The following TMEM63B variants were observed in gnomAD, a reference collection of about 807,000 sequenced individuals.
TMEM63B encodes transmembrane protein 63B.
TMEM63B carries 23 observed loss-of-function variants against 102.6 expected under a neutral mutation model. That is an observed-to-expected ratio of 0.22 (90% CI 0.16 to 0.32). TMEM63B has a LOEUF of 0.32. TMEM63B is among the 10% of genes least tolerant of loss of function. The pLI, the probability that TMEM63B is intolerant of heterozygous loss-of-function variation, is 1.00. For missense variants in TMEM63B, 628 were observed against 1,095.9 expected (o/e 0.57, Z 6.03); for synonymous variants, 444 against 437.0 (o/e 1.02, Z -0.20).
At chr6:44,153,987 T>G (rs1582835248) in intron 21 of TMEM63B, 86 bp from the exon 22 acceptor site, 1 of 1,552,578 alleles carries the variant, frequency 6.4e-7, no homozygotes, top group Non-Finnish European at 8.8e-7. Context: ...CCTGGGAGAG[T>G]GAGGACTGCA....
intron 15 of TMEM63B, 126 bp downstream of exon 15, chr6:44,149,071 C>A: frequency 2.1e-6 from 3 of 1,445,976 alleles, no homozygotes; most frequent in African/African-American, 1.4e-5. Flanking sequence ...CACCAACCAG[C>A]TCCCAAAAAC....
chr6:44,134,782 C>A, intron 2 of TMEM63B, 39 bp downstream of exon 2: 1 of 1,598,358 alleles, frequency 6.3e-7, no homozygotes, highest in Non-Finnish European at 8.5e-7. Flanking sequence ...GGCATCCATG[C>A]CCTGTACACA....
intron 1 of TMEM63B, among the ~76,000 whole-genome samples, chr6:44,130,464 G>A (rs1373874536): frequency 1.4e-5 from 2 of 148,114 alleles, no homozygotes; most frequent in Non-Finnish European, 3.0e-5. Context: ...TTTTAGACAC[G>A]GTCTCTGTCT....
intron 10 of TMEM63B, among the ~76,000 whole-genome samples, chr6:44,143,449 G>C (rs1311656674): frequency 6.6e-6 from 1 of 152,092 alleles, no homozygotes; most frequent in Non-Finnish European, 1.5e-5. Context: ...TGTGTACTCA[G>C]AATTAGTGAC....
chr6:44,137,959 A>C (rs1437570073), intron 5 of TMEM63B, among the ~76,000 whole-genome samples: 1 of 152,004 alleles, frequency 6.6e-6, no homozygotes, highest in Non-Finnish European at 1.5e-5. Flanking sequence ...CTTGGCCTCC[A>C]AAAGTGCTGG....
Position 44,152,734 on chromosome 6 carries a change from G to C in TMEM63B, c.1942+36G>C. On this transcript the variant is annotated intron_variant, in intron 20 of 23. Transcript: ENST00000323267. The surrounding 1 kb of genome is among the most constrained non-coding windows in gnomAD (Gnocchi z 6.4). ...CCGCGCCGGGACCTGGGCCCTGCTC[G>C]GGGGGACCCAGGACTTCACCCTCTC... 1 of 1,544,800 alleles carries C rather than the reference G, an allele frequency of 6.5e-7. No homozygotes were observed. Among genetic ancestry groups the C allele is most frequent in the Non-Finnish European group, 8.9e-7 (1 of 1,128,574 alleles).
chr6:44,131,307 T>C (rs965417357), intron 1 of TMEM63B, among the ~76,000 whole-genome samples: 4 of 152,274 alleles, frequency 2.6e-5, no homozygotes, highest in Admixed American at 6.5e-5. Context: ...TTGTATCTCT[T>C]TGTTACAGAT....
At chr6:44,130,587 G>A (rs1365432388) in intron 1 of TMEM63B, among the ~76,000 whole-genome samples, 1 of 150,666 alleles carries the variant, frequency 6.6e-6, no homozygotes, top group African/African-American at 2.4e-5. Context: ...CTACAGACAT[G>A]CACCAGCATG....
intron 10 of TMEM63B, 112 bp downstream of exon 10, chr6:44,141,210 T>C (rs1764197671): frequency 2.2e-5 from 23 of 1,068,102 alleles, no homozygotes; most frequent in Non-Finnish European, 2.7e-5. Flanking sequence ...GTGGGTGGGA[T>C]AGAGATTAGA....
chr6:44,138,700 A>G (rs935535690), intron 6 of TMEM63B, 183 bp downstream of exon 6: 2 of 516,396 alleles, frequency 3.9e-6, no homozygotes, highest in African/African-American at 4.0e-5. Context: ...CTGAACACTC[A>G]CTTGACCCCA....
In TMEM63B at chr6:44,150,230, G is replaced by C. The variant is rs1766321207; in HGVS notation, c.1527G>C (p.Gly509=). The change falls in exon 17 of 24, where the codon GGG becomes GGC. Residue 509 remains glycine (G), a synonymous_variant. Transcript: ENST00000323267. The surrounding 1 kb of genome is among the most constrained non-coding windows in gnomAD (Gnocchi z 4.7). ...CCTGCTCCCCTCCCTCCAGCTCTGG[G>C]GAGAACAGGACAACCATGCACAAGT... ...AFFEAHWTRS[G]ENRTTMHKCY... 3 of 1,613,750 alleles carry C rather than the reference G, an allele frequency of 1.9e-6. No homozygotes were observed. The South Asian group carries it at 3.3e-5, about 18-fold the overall frequency.
chr6:44,135,780 A>C (rs563059715), intron 4 of TMEM63B, among the ~76,000 whole-genome samples: 2 of 152,304 alleles, frequency 1.3e-5, no homozygotes, highest in African/African-American at 4.8e-5. Flanking sequence ...GAGGCCTGGG[A>C]GGAGGGCTGC....
intron 1 of TMEM63B, among the ~76,000 whole-genome samples, chr6:44,131,446 A>G (rs1459440983): frequency 1.3e-5 from 2 of 151,934 alleles, no homozygotes; most frequent in African/African-American, 2.4e-5. Context: ...TCCACTGAAA[A>G]AGCTTATATC....
chr6:44,136,137 C>T (rs1328082855), intron 4 of TMEM63B, among the ~76,000 whole-genome samples: 1 of 152,194 alleles, frequency 6.6e-6, no homozygotes, highest in African/African-American at 2.4e-5. Flanking sequence ...ACCATCAGTG[C>T]CCACCTCCGC....
intron 10 of TMEM63B, among the ~76,000 whole-genome samples, chr6:44,141,413 A>G (rs111988028): frequency 6.6e-6 from 1 of 152,160 alleles, no homozygotes. Flanking sequence ...ATCTTCTTCA[A>G]AATTAAAAGC....
chr6:44,131,013 G>A (rs1459889986), intron 1 of TMEM63B, among the ~76,000 whole-genome samples: 1 of 152,032 alleles, frequency 6.6e-6, no homozygotes, highest in Non-Finnish European at 1.5e-5. Context: ...TGCCTCCTGG[G>A]TTCAAGTGAT....
intron 5 of TMEM63B, 31 bp from the exon 6 acceptor site, chr6:44,138,449 G>T: frequency 1.2e-6 from 2 of 1,613,878 alleles, no homozygotes; most frequent in Admixed American, 1.7e-5. Flanking sequence ...GTGGGCTGGG[G>T]ACTCCCGCTG....
chr6:44,147,010 C>T, intron 11 of TMEM63B, 83 bp downstream of exon 11: 3 of 1,457,502 alleles, frequency 2.1e-6, no homozygotes, highest in Non-Finnish European at 2.9e-6. Flanking sequence ...ACAGGCTCCC[C>T]TTCTAGATTT....
At chr6:44,134,235 G>A (rs1303873734) in intron 1 of TMEM63B, among the ~76,000 whole-genome samples, 2 of 152,144 alleles carry the variant, frequency 1.3e-5, no homozygotes, top group African/African-American at 2.4e-5. Context: ...ATGAGAGTGT[G>A]GGGGTGGCGG....
Sources: allele counts gnomAD v4.1 joint callset (sites outside exome capture counted in the v4.1 genomes callset), GRCh38; gene constraint gnomAD v4.1.1; non-coding constraint Gnocchi (gnomAD v3.1); transcripts MANE v1.5; gene names NCBI Gene and HGNC (gene_info 2026-07-23, HGNC 2026-07-21).